Variants in TRIM13 observed in about 807,000 individuals in gnomAD.
The protein encoded by TRIM13 is E3 ubiquitin-protein ligase TRIM13.
TRIM13 carries 15 observed loss-of-function variants against 27.1 expected under a neutral mutation model. That is an observed-to-expected ratio of 0.55 (90% CI 0.37 to 0.85). The LOEUF is 0.85. Among genes scored for constraint, TRIM13 ranks in the 40% least tolerant of loss-of-function variants. TRIM13 has a pLI of 0.00. For missense variants in TRIM13, 402 were observed against 472.2 expected, an observed-to-expected ratio of 0.85 and a Z score of 1.38; for synonymous variants, 193 against 171.5, an observed-to-expected ratio of 1.13 and a Z score of -0.98.
In TRIM13 at chr13:50,013,274, T is replaced by C; in HGVS notation, c.*110T>C. Reference sequence around the variant, plus strand: ...GTCACATATTTTCCTCCAAAAGTATTCCTTCCAAAAATAATCTATACATGT... The same window carrying C: ...GTCACATATTTTCCTCCAAAAGTATCCCTTCCAAAAATAATCTATACATGT... On this transcript the variant is annotated 3_prime_UTR_variant, in exon 2 of 2. Coordinates refer to ENST00000378182, the MANE Select transcript of TRIM13 (RefSeq NM_213590.3). 1 of 1,154,632 alleles carries C rather than the reference T, an allele frequency of 8.7e-7. No homozygotes were observed. Among genetic ancestry groups the C allele is most frequent in the African/African-American group, 1.6e-5 (1 of 63,742 alleles). The allele number at this position is 1,154,632 out of a possible 1,614,324, so 71.5% of individuals were successfully genotyped here.
rs1224001655 is a variant in TRIM13, at chr13:49,997,339, G to C, written c.-431G>C. On this transcript the variant is annotated 5_prime_UTR_variant, in exon 1 of 2. Coordinates refer to ENST00000378182, the MANE Select transcript of TRIM13 (RefSeq NM_213590.3). ...TGGGGAGGAGCGGCCTGCGGAGGGC[G>C]CCGGGGCAGTGTGTCTGTGGTCCAG... 1.3e-5 allele frequency: 2 copies of C among 152,548 alleles called. No individual in the cohort carries two copies. The highest frequency in any genetic ancestry group is 4.8e-5 in the African/African-American group (2 of 41,460). 9.4% of individuals were successfully genotyped at this position (152,548 alleles called of 1,614,324 possible). A position where few individuals can be genotyped will look rare whatever the true frequency, so the allele number is the denominator to read the frequency against.
chr13:49,998,217 C>A lies in TRIM13; in HGVS notation c.-7+454C>A, dbSNP rs143486270. ...ATACTTCCTTCTTGCACAATGGGAG[C>A]GTCCCTATCCCTCCCTAAAAATACG... On this transcript the variant is annotated intron_variant, in intron 1 of 1. Coordinates refer to ENST00000378182, the MANE Select transcript of TRIM13 (RefSeq NM_213590.3). 6.1e-3 allele frequency among the ~76,000 whole-genome samples: 927 copies of A among 152,252 alleles called. 11 individuals are homozygous for A. Among genetic ancestry groups the A allele is most frequent in the African/African-American group, 0.021 (883 of 41,544 alleles).
chr13:50,013,138 T>A lies in TRIM13; in HGVS notation c.1198T>A (p.Phe400Ile), dbSNP rs770001095. The A allele has an allele frequency of 2.5e-6, 4 of 1,580,464 alleles. No individual in the cohort carries two copies. The highest frequency in any genetic ancestry group is 3.4e-6 in the Non-Finnish European group (4 of 1,166,364). ...TLVVLNNVAE[F>I]VCKYKLL is the part of the protein sequence containing the mutation. ...GGTGGTACTGAACAATGTGGCAGAA[T>A]TTGTGTGCAAATATAAACTATTATA... Residue 400 changes from phenylalanine to isoleucine, a missense_variant, in exon 2 of 2, where the codon TTT (phenylalanine) becomes ATT (isoleucine). Phe to Ile is a conservative substitution (Grantham distance 21). Transcript: ENST00000378182.
intron 1 of TRIM13, among the ~76,000 whole-genome samples, chr13:50,009,563 C>T (rs1033389416): frequency 6.6e-6 from 1 of 151,878 alleles, no homozygotes; most frequent in African/African-American, 2.4e-5. Flanking sequence ...GTGGTGAAAC[C>T]CCGTTTCTAC....
Position 50,015,081 on chromosome 13 carries a change from A to T in TRIM13, c.*1917A>T, listed in dbSNP as rs1418067479. On this transcript the variant is annotated 3_prime_UTR_variant, in exon 2 of 2. Coordinates refer to ENST00000378182, the MANE Select transcript of TRIM13 (RefSeq NM_213590.3). ...GCTTTTCCCCTCCCAGTAATAAAAA[A>T]AAAAAAAAAAAAAATATATATATAT... 5.9e-5 allele frequency: 2 copies of T among 33,840 alleles called. No individual in the cohort carries two copies. The highest frequency in any genetic ancestry group is 1.7e-3 in the South Asian group (1 of 602). The allele number at this position is 33,840 out of a possible 1,614,324, so 2.1% of individuals were successfully genotyped here.
Position 50,017,006 on chromosome 13 carries a change from A to G in TRIM13, c.*3842A>G, listed in dbSNP as rs540917712. 2.4e-5 allele frequency: 4 copies of G among 167,108 alleles called. No individual in the cohort carries two copies. In the East Asian group the frequency reaches 7.7e-4, roughly 32 times the overall value. The allele number at this position is 167,108 out of a possible 1,614,324, so 10.4% of individuals were successfully genotyped here. ...GCTTACCAACTGGAGGACACTAGGTAGAATAACCGAGTATGACAATTCTTA... is the reference window on the plus strand; with the variant it reads ...GCTTACCAACTGGAGGACACTAGGTGGAATAACCGAGTATGACAATTCTTA... On this transcript the variant is annotated 3_prime_UTR_variant, in exon 2 of 2. Transcript: ENST00000378182.
rs901804398 is a variant in TRIM13 at position 50,018,062 on chromosome 13, C to T, written c.*4898C>T. 1.2e-5 allele frequency: 2 copies of T among 167,016 alleles called. No individual in the cohort carries two copies. The highest frequency in any genetic ancestry group is 4.8e-5 in the African/African-American group (2 of 41,450). 10.3% of individuals were successfully genotyped at this position (167,016 alleles called of 1,614,324 possible). A position where few individuals can be genotyped will look rare whatever the true frequency, so the allele number is the denominator to read the frequency against. On this transcript the variant is annotated 3_prime_UTR_variant, in exon 2 of 2. Transcript: ENST00000378182. ...TCAAATTATAGTTGGTCACAGGATT[C>T]TAAAGTCTTTATTTGACTTCTCCTT...
chr13:50,002,561 A>G (rs1163903995), intron 1 of TRIM13, among the ~76,000 whole-genome samples: 1 of 152,146 alleles, frequency 6.6e-6, no homozygotes, highest in Non-Finnish European at 1.5e-5. Flanking sequence ...GAGAAAACTC[A>G]AGAAGAATAT....
In TRIM13 at chr13:50,014,360, T is replaced by TATATATATACACACACACAC. The variant is rs879170111; in HGVS notation, c.*1197_*1198insTATATATACACACACACACA. 8.5e-5 allele frequency: 5 copies of TATATATATACACACACACAC among 58,562 alleles called. No homozygotes were observed. Among genetic ancestry groups the TATATATATACACACACACAC allele is most frequent in the East Asian group, 9.3e-4 (1 of 1,080 alleles). The allele number at this position is 58,562 out of a possible 1,614,324, so 3.6% of individuals were successfully genotyped here. A position where few individuals can be genotyped will look rare whatever the true frequency, so the allele number is the denominator to read the frequency against. Reference sequence around the variant, plus strand: ...AAAAAAAAAAATATATATATATATATACACACACACACACACATATGTACA... The same window carrying TATATATATACACACACACAC: ...AAAAAAAAAAATATATATATATATATATATATATACACACACACACACACACACACACACACATATGTACA... On this transcript the variant is annotated 3_prime_UTR_variant, in exon 2 of 2. Coordinates refer to ENST00000378182, the MANE Select transcript of TRIM13 (RefSeq NM_213590.3).
intron 1 of TRIM13, among the ~76,000 whole-genome samples, chr13:50,004,212 G>A (rs1594564446): frequency 6.6e-6 from 1 of 152,162 alleles, no homozygotes; most frequent in African/African-American, 2.4e-5. Context: ...TGTATAATCA[G>A]CACTTTGGGA....
At chr13:49,999,072 G>A (rs964667984) in intron 1 of TRIM13, among the ~76,000 whole-genome samples, 2 of 146,134 alleles carry the variant, frequency 1.4e-5, no homozygotes, top group Non-Finnish European at 3.1e-5. Flanking sequence ...TCAATATGGG[G>A]TTTCTCACTC....
In TRIM13 at chr13:50,014,334, A is replaced by T. The variant is rs1299535059; in HGVS notation, c.*1170A>T. On this transcript the variant is annotated 3_prime_UTR_variant, in exon 2 of 2. Transcript: ENST00000378182. ...CTACCAAAAAAAAAAAAAAAAAAAAAAAAAAAAAAAATATATATATATATA... is the reference window on the plus strand; with the variant it reads ...CTACCAAAAAAAAAAAAAAAAAAAATAAAAAAAAAAATATATATATATATA... 1.1e-3 allele frequency: 71 copies of T among 66,316 alleles called. 1 individual carries two copies. Among genetic ancestry groups the T allele is most frequent in the African/African-American group, 2.2e-3 (37 of 16,894 alleles). The allele number at this position is 66,316 out of a possible 1,614,324, so 4.1% of individuals were successfully genotyped here. A position where few individuals can be genotyped will look rare whatever the true frequency, so the allele number is the denominator to read the frequency against.
chr13:50,002,595 C>T (rs1874178648), intron 1 of TRIM13, among the ~76,000 whole-genome samples: 1 of 151,832 alleles, frequency 6.6e-6, no homozygotes, highest in Non-Finnish European at 1.5e-5. Context: ...CATCCTCTAC[C>T]TAGATTTTAA....
chr13:50,012,512 A>G lies in TRIM13; in HGVS notation c.572A>G (p.His191Arg), dbSNP rs1875784032. The stretch of plus-strand genomic sequence containing the variant: ...AAGGAATTTTTTGAGAAGTTACAAC[A>G]CACACTGGATCAAAAGAAGAATGAA... ...KVKEFFEKLQ[H>R]TLDQKKNEIL... Residue 191 changes from histidine (H) to arginine (R), a missense_variant, in exon 2 of 2, where the codon CAC (histidine) becomes CGC (arginine). By Grantham distance (29) the His-to-Arg change is conservative (BLOSUM62 0). Transcript: ENST00000378182. 6.2e-7 allele frequency: 1 copy of G among 1,613,972 alleles called. No homozygotes were observed.
intron 1 of TRIM13, among the ~76,000 whole-genome samples, chr13:50,006,584 T>G (rs2138377510): frequency 6.6e-6 from 1 of 152,242 alleles, no homozygotes; most frequent in South Asian, 2.1e-4. Context: ...GTGAAAAGTG[T>G]GGAGCAGGAC....
At chr13:49,999,551 A>AT (rs1386931013) in intron 1 of TRIM13, among the ~76,000 whole-genome samples, 1 of 152,076 alleles carries the variant, frequency 6.6e-6, no homozygotes, top group Non-Finnish European at 1.5e-5. Context: ...TCATTTTTAA[A>AT]TTTTTTTCCA....
At chr13:49,998,618 C>T (rs1873571433) in intron 1 of TRIM13, among the ~76,000 whole-genome samples, 1 of 151,396 alleles carries the variant, frequency 6.6e-6, no homozygotes, top group Non-Finnish European at 1.5e-5. Context: ...TTTTAGGCAG[C>T]TAGAAAGGGT....
chr13:50,003,169 T>C (rs1874261714), intron 1 of TRIM13, among the ~76,000 whole-genome samples: 1 of 152,214 alleles, frequency 6.6e-6, no homozygotes, highest in South Asian at 2.1e-4. Flanking sequence ...TCAGTAAAGC[T>C]TAGCATAATT....
chr13:50,008,288 A>G (rs1875079607), intron 1 of TRIM13, among the ~76,000 whole-genome samples: 2 of 152,312 alleles, frequency 1.3e-5, no homozygotes, highest in African/African-American at 2.4e-5. Flanking sequence ...ATAATGTGAT[A>G]TGTGCATATA....
Sources: allele counts gnomAD v4.1 joint callset (sites outside exome capture counted in the v4.1 genomes callset), GRCh38; gene constraint gnomAD v4.1.1; transcripts MANE v1.5; gene names NCBI Gene and HGNC (gene_info 2026-07-23, HGNC 2026-07-21).